The following DUSP14 variants were observed in gnomAD, a reference collection of about 807,000 sequenced individuals.
DUSP14 encodes dual specificity phosphatase 14, also known as dual specificity protein phosphatase 14.
In DUSP14, 5 loss-of-function variants were observed where a neutral mutation model predicts 13.2. That is an observed-to-expected ratio of 0.38 (90% CI 0.20 to 0.80). DUSP14 has a LOEUF of 0.80. Ranked by LOEUF, DUSP14 falls within the 30% of genes least tolerant of loss-of-function variation. The pLI is 0.44. For synonymous variants in DUSP14, 91 were observed against 103.4 expected, an observed-to-expected ratio of 0.88 and a Z score of 0.73; for missense variants, 185 against 264.0, an observed-to-expected ratio of 0.70 and a Z score of 2.07.
At chr17:37,495,464 T>TTTTG (rs575308736) in intron 1 of DUSP14, among the ~76,000 whole-genome samples, 98 of 152,188 alleles carry the variant, frequency 6.4e-4, no homozygotes, top group South Asian at 2.9e-3. Context: ...GGGCAAGTTT[T>TTTTG]TTTGTTTGTT....
intron 1 of DUSP14, among the ~76,000 whole-genome samples, chr17:37,496,639 A>G (rs1261557245): frequency 6.6e-6 from 1 of 152,196 alleles, no homozygotes; most frequent in Non-Finnish European, 1.5e-5. Flanking sequence ...CTGTAATCCC[A>G]GCTACTCCAG....
intron 1 of DUSP14, among the ~76,000 whole-genome samples, chr17:37,506,944 G>A (rs546680435): frequency 3.3e-5 from 5 of 152,292 alleles, no homozygotes; most frequent in African/African-American, 9.6e-5. Flanking sequence ...ACCCCCCCGC[G>A]TGTGTGGCAG....
intron 2 of DUSP14, among the ~76,000 whole-genome samples, chr17:37,511,406 G>A (rs1342020581): frequency 2.0e-5 from 3 of 151,702 alleles, no homozygotes; most frequent in South Asian, 2.1e-4. Flanking sequence ...TCAGCCTCCC[G>A]AGTAGCTGGG....
Position 37,512,350 on chromosome 17 carries a change from C to T in DUSP14, c.78C>T (p.Gly26=). The change falls in exon 3 of 3, where the codon GGC becomes GGT. Residue 26 remains glycine, a synonymous_variant. Coordinates refer to ENST00000617516, the MANE Select transcript of DUSP14 (RefSeq NM_007026.4). The surrounding 1 kb of genome is among the most constrained non-coding windows in gnomAD (Gnocchi z 4.8). ...TGATTTCCGAGGGAGACATAGGAGGCATTGCTCAAATCACCTCCTCTCTAT... is the reference window on the plus strand; with the variant it reads ...TGATTTCCGAGGGAGACATAGGAGGTATTGCTCAAATCACCTCCTCTCTAT... ...PRMISEGDIG[G]IAQITSSLFL... 1 of 1,614,108 alleles carries T rather than the reference C, an allele frequency of 6.2e-7. No individual in the cohort carries two copies. Among genetic ancestry groups the T allele is most frequent in the Non-Finnish European group, 8.5e-7 (1 of 1,180,008 alleles).
intron 1 of DUSP14, among the ~76,000 whole-genome samples, chr17:37,503,914 G>A (rs2054120900): frequency 6.6e-6 from 1 of 152,178 alleles, no homozygotes; most frequent in Non-Finnish European, 1.5e-5. Flanking sequence ...GATGGGGCTG[G>A]GCGTGGTGGC....
intron 1 of DUSP14, among the ~76,000 whole-genome samples, chr17:37,499,155 G>A (rs552224368): frequency 3.9e-5 from 6 of 152,064 alleles, no homozygotes; most frequent in South Asian, 4.2e-4. Flanking sequence ...AATGCCAGAC[G>A]CTTATAAAAC....
At chr17:37,495,353 G>A (rs1240521663) in intron 1 of DUSP14, among the ~76,000 whole-genome samples, 2 of 152,220 alleles carry the variant, frequency 1.3e-5, no homozygotes, top group African/African-American at 4.8e-5. Flanking sequence ...CCCATGCCAT[G>A]TTGAAACCTC....
chr17:37,511,813 G>A (rs1034750073), intron 2 of DUSP14, among the ~76,000 whole-genome samples: 166 of 150,102 alleles, frequency 1.1e-3, no homozygotes, highest in African/African-American at 4.0e-3. Context: ...GGGTCTCACT[G>A]TGTTGCCCAG....
intron 1 of DUSP14, among the ~76,000 whole-genome samples, chr17:37,492,842 C>G (rs2054038015): frequency 6.6e-6 from 1 of 152,154 alleles, no homozygotes; most frequent in Non-Finnish European, 1.5e-5. Context: ...AGAAACTACC[C>G]TGACTTTTAT....
intron 1 of DUSP14, among the ~76,000 whole-genome samples, chr17:37,498,314 C>CTTTTTTTTTTTTTTTTTTTTTTTTT (rs765033929): frequency 1.4e-5 from 1 of 70,578 alleles, no homozygotes; most frequent in African/African-American, 5.9e-5. Context: ...TAGATTGTAT[C>CTTTTTTTTTTTTTTTTTTTTTTTTT]TTTTTTTTTT....
intron 1 of DUSP14, among the ~76,000 whole-genome samples, chr17:37,503,223 G>C (rs1466288727): frequency 6.6e-6 from 1 of 152,176 alleles, no homozygotes; most frequent in Non-Finnish European, 1.5e-5. Flanking sequence ...CCAGGAGTTT[G>C]AGACCAGCGT....
At chr17:37,490,578 T>C (rs910583070) in intron 1 of DUSP14, among the ~76,000 whole-genome samples, 3 of 152,346 alleles carry the variant, frequency 2.0e-5, no homozygotes, top group Non-Finnish European at 4.4e-5. Flanking sequence ...TTAAGTGGAT[T>C]GTATAACTGT....
intron 1 of DUSP14, among the ~76,000 whole-genome samples, chr17:37,509,137 A>ATATATATATATATATATG (rs1568204463): frequency 2.2e-5 from 1 of 46,406 alleles, no homozygotes; most frequent in South Asian, 6.4e-4. Flanking sequence ...ATACACACAC[A>ATATATATATATATATATG]CACACACACA....
At chr17:37,508,951 A>G (rs1349453735) in intron 1 of DUSP14, among the ~76,000 whole-genome samples, 1 of 147,600 alleles carries the variant, frequency 6.8e-6, no homozygotes, top group East Asian at 2.0e-4. Flanking sequence ...AACTAGAGAC[A>G]ACCCAGGTTC....
intron 1 of DUSP14, among the ~76,000 whole-genome samples, chr17:37,490,514 C>G (rs1431278723): frequency 6.6e-6 from 1 of 152,124 alleles, no homozygotes; most frequent in Non-Finnish European, 1.5e-5. Flanking sequence ...TACCCTTGCT[C>G]CGGAGCGAAG....
At chr17:37,499,541 T>G (rs905266609) in intron 1 of DUSP14, among the ~76,000 whole-genome samples, 8 of 151,588 alleles carry the variant, frequency 5.3e-5, no homozygotes, top group Admixed American at 6.6e-5. Flanking sequence ...TTGTTTTTTG[T>G]TTTTTGAGAC....
At chr17:37,509,482 G>A (rs975611981) in intron 1 of DUSP14, among the ~76,000 whole-genome samples, 30 of 150,518 alleles carry the variant, frequency 2.0e-4, no homozygotes, top group African/African-American at 5.4e-4. Context: ...CATCATGCCC[G>A]GATAATTTTG....
Position 37,512,874 on chromosome 17 carries a change from A to G in DUSP14, c.*5A>G. On this transcript the variant is annotated 3_prime_UTR_variant, in exon 3 of 3. Transcript: ENST00000617516. This position sits in a 1 kb window ranked among gnomAD's most constrained non-coding sequence, Gnocchi z 4.8. ...ATGCCTTACTGGGGGATTTAGTGCC[A>G]CTGAAGCCTGCGTCAGCAGCCCGAG... The G allele has an allele frequency of 6.3e-7, 1 of 1,591,632 alleles. No individual in the cohort carries two copies. Among genetic ancestry groups the G allele is most frequent in the South Asian group, 1.1e-5 (1 of 90,400 alleles).
At chr17:37,491,282 C>T (rs1039291051) in intron 1 of DUSP14, among the ~76,000 whole-genome samples, 3 of 152,208 alleles carry the variant, frequency 2.0e-5, no homozygotes, top group Non-Finnish European at 2.9e-5. Context: ...GGCACCCCCA[C>T]AGTGAACGCC....
Sources: allele counts gnomAD v4.1 joint callset (sites outside exome capture counted in the v4.1 genomes callset), GRCh38; gene constraint gnomAD v4.1.1; non-coding constraint Gnocchi (gnomAD v3.1); transcripts MANE v1.5; gene names NCBI Gene and HGNC (gene_info 2026-07-23, HGNC 2026-07-21).